AP2B1: variants seen among roughly 807,000 people sequenced by gnomAD.
The protein encoded by AP2B1 is AP-2 complex subunit beta.
AP2B1 carries 23 observed loss-of-function variants against 102.0 expected under a neutral mutation model. The ratio of observed to expected loss-of-function variants is 0.23; its 90% CI spans 0.16 to 0.32. The LOEUF is 0.32. Ranked by LOEUF, AP2B1 falls within the 10% of genes least tolerant of loss-of-function variation. The pLI is 1.00. For synonymous variants in AP2B1, 381 were observed against 421.2 expected (o/e 0.90, Z 1.17); for missense variants, 541 against 1,157.4 (o/e 0.47, Z 7.73).
intron 17 of AP2B1, among the ~76,000 whole-genome samples, chr17:35,677,866 T>G (rs977386918): frequency 6.6e-6 from 1 of 151,756 alleles, no homozygotes; most frequent in African/African-American, 2.4e-5. Context: ...AATAGTTTTT[T>G]TTTTTTTTTT....
chr17:35,601,256 G>A (rs1485504613), intron 3 of AP2B1, among the ~76,000 whole-genome samples: 6 of 152,194 alleles, frequency 3.9e-5, no homozygotes, highest in African/African-American at 1.4e-4. Flanking sequence ...ATACTATTAA[G>A]TGGGATTCTT....
intron 5 of AP2B1, among the ~76,000 whole-genome samples, chr17:35,619,330 A>T (rs2074108027): frequency 6.6e-6 from 1 of 152,210 alleles, no homozygotes; most frequent in Admixed American, 6.5e-5. Context: ...AATGTAAGTA[A>T]AAATACAAAT....
chr17:35,723,247 G>A (rs1282004984), intron 21 of AP2B1, among the ~76,000 whole-genome samples: 1 of 152,216 alleles, frequency 6.6e-6, no homozygotes, highest in African/African-American at 2.4e-5. Context: ...ACTGAGGCAG[G>A]CAGCTGAAAG....
At chr17:35,680,690 T>TGG (rs1313731997) in intron 17 of AP2B1, among the ~76,000 whole-genome samples, 2 of 56,880 alleles carry the variant, frequency 3.5e-5, no homozygotes, top group African/African-American at 1.8e-4. Flanking sequence ...GTTTTGGTTT[T>TGG]TTTTTTTTTG....
chr17:35,587,862 T>A (rs183626807), intron 1 of AP2B1: 1 of 152,250 alleles, frequency 6.6e-6, no homozygotes, highest in Non-Finnish European at 1.5e-5. Context: ...TGCTCATTGA[T>A]GGGCGAACGT....
At chr17:35,689,788 T>C (rs2076005967) in intron 18 of AP2B1, among the ~76,000 whole-genome samples, 1 of 152,208 alleles carries the variant, frequency 6.6e-6, no homozygotes, top group African/African-American at 2.4e-5. Context: ...TGGCTAATGG[T>C]TACTAGATGG....
rs587676717 is a variant in AP2B1 at position 35,700,591 on chromosome 17, G to A, written c.2455-8633G>A. 1.3e-4 allele frequency among the ~76,000 whole-genome samples: 20 copies of A among 152,224 alleles called. No individual in the cohort carries two copies. The South Asian group carries it at 4.2e-3, about 32-fold the overall frequency. ...TTGGTTACCTGTGGTGAGAGGTCGG[G>A]TAAGAGGCCTCATTTGCCAGAGTTC... is the stretch of plus-strand genomic sequence containing the variant. On this transcript the variant is annotated intron_variant, in intron 18 of 21. Transcript: ENST00000610402.
intron 2 of AP2B1, among the ~76,000 whole-genome samples, chr17:35,595,655 G>T (rs2073245346): frequency 6.6e-6 from 1 of 152,134 alleles, no homozygotes; most frequent in Non-Finnish European, 1.5e-5. Flanking sequence ...TTGGGGGGAG[G>T]AGGAGGGAGA....
intron 3 of AP2B1, among the ~76,000 whole-genome samples, chr17:35,601,832 C>CA (rs1733224314): frequency 6.6e-6 from 1 of 150,728 alleles, no homozygotes; most frequent in South Asian, 2.1e-4. Flanking sequence ...GGCTGCAGCG[C>CA]AATGGCGTGA....
intron 14 of AP2B1, among the ~76,000 whole-genome samples, chr17:35,669,175 C>T (rs1035635289): frequency 1.4e-5 from 2 of 141,688 alleles, no homozygotes; most frequent in Non-Finnish European, 3.0e-5. Flanking sequence ...TGGAGTCTTG[C>T]TCTTGTTGCC....
intron 2 of AP2B1, among the ~76,000 whole-genome samples, chr17:35,596,452 C>A (rs1237959846): frequency 6.6e-6 from 1 of 151,710 alleles, no homozygotes. Context: ...CTGTGTCTTA[C>A]TAATTTCATC....
Position 35,603,340 on chromosome 17 carries a change from C to T in AP2B1, c.144-2365C>T, listed in dbSNP as rs959400272. ...TGTGGGGAAGATTTATTGCTAACTT[C>T]CCATAAAGTTACAGTTATCCTATAT... On this transcript the variant is annotated intron_variant, in intron 3 of 21. Transcript: ENST00000610402. 1.6e-4 allele frequency among the ~76,000 whole-genome samples: 25 copies of T among 152,248 alleles called. No individual in the cohort carries two copies. In the East Asian group the frequency reaches 1.9e-3, roughly 12 times the overall value.
intron 18 of AP2B1, among the ~76,000 whole-genome samples, chr17:35,706,854 T>C (rs1243455698): frequency 6.6e-6 from 1 of 151,984 alleles, no homozygotes; most frequent in East Asian, 1.9e-4. Context: ...GGTTTCACCA[T>C]CTGGCCAGGC....
intron 13 of AP2B1, chr17:35,651,023 G>C: frequency 2.1e-6 from 1 of 485,856 alleles, no homozygotes. Flanking sequence ...ACTCCTCTGT[G>C]TTCCAATCTA....
chr17:35,686,407 G>C (rs1010390597), intron 18 of AP2B1, among the ~76,000 whole-genome samples: 1 of 152,156 alleles, frequency 6.6e-6, no homozygotes. Context: ...GTTGTGCTTA[G>C]AAACATTTTC....
chr17:35,720,915 G>T (rs1555592867), intron 21 of AP2B1, among the ~76,000 whole-genome samples: 1 of 152,090 alleles, frequency 6.6e-6, no homozygotes, highest in Non-Finnish European at 1.5e-5. Context: ...ACTAAAAGAA[G>T]AGGTGGTGGT....
At chr17:35,592,128 T>C (rs1259017361) in intron 1 of AP2B1, among the ~76,000 whole-genome samples, 1 of 135,836 alleles carries the variant, frequency 7.4e-6, no homozygotes, top group African/African-American at 2.9e-5. Context: ...TGGCTCTTTT[T>C]TCTTTTCTTT....
At chr17:35,716,287 C>G (rs2076549466) in intron 20 of AP2B1, among the ~76,000 whole-genome samples, 1 of 152,208 alleles carries the variant, frequency 6.6e-6, no homozygotes, top group Non-Finnish European at 1.5e-5. Context: ...TGCTTGTCAT[C>G]TCTATTCTTA....
intron 17 of AP2B1, among the ~76,000 whole-genome samples, chr17:35,680,421 G>A (rs1598269534): frequency 6.6e-6 from 1 of 151,936 alleles, no homozygotes; most frequent in African/African-American, 2.4e-5. Flanking sequence ...TGGTGCAGTT[G>A]AGGCTCACTG....
Sources: allele counts gnomAD v4.1 joint callset (sites outside exome capture counted in the v4.1 genomes callset), GRCh38; gene constraint gnomAD v4.1.1; transcripts MANE v1.5; gene names NCBI Gene and HGNC (gene_info 2026-07-23, HGNC 2026-07-21).